ZNF239: variants seen among roughly 807,000 people sequenced by gnomAD.
ZNF239 encodes the protein zinc finger protein (C2H2) homologous to mouse MOK-2.
In ZNF239, 16 loss-of-function variants were observed where a neutral mutation model predicts 27.5. That is an observed-to-expected ratio of 0.58 (90% CI 0.39 to 0.88). ZNF239 has a LOEUF of 0.88. ZNF239 is among the 40% of genes least tolerant of loss of function. ZNF239 has a pLI of 0.00. For missense variants in ZNF239, 527 were observed against 551.9 expected (o/e 0.95, Z 0.45); for synonymous variants, 199 against 192.6 (o/e 1.03, Z -0.27).
rs1836834690 is a variant in ZNF239, at chr10:43,557,312, G to A, written c.768C>T (p.Val256=). The A allele has an allele frequency of 1.2e-6, 2 of 1,614,124 alleles. No individual in the cohort carries two copies. The highest frequency in any genetic ancestry group is 1.7e-6 in the Non-Finnish European group (2 of 1,180,010). Residue 256 remains valine (V), a synonymous_variant, in exon 4 of 4, where the codon GTC becomes GTT. Transcript: ENST00000374446. The stretch of plus-strand genomic sequence containing the variant: ...ACTTATAAGGCTTCTCATCTGTGTG[G>A]ACTGCCTGATGGATAAGCAGACTCG... ...RSSSLLIHQA[V]HTDEKPYKCD... is the part of the protein sequence containing the mutation.
chr10:43,572,614 AC>A (rs1188218146), intron 2 of ZNF239, among the ~76,000 whole-genome samples: 22 of 152,216 alleles, frequency 1.4e-4, no homozygotes, highest in African/African-American at 5.3e-4. Flanking sequence ...AGGACAAGGC[AC>A]TTTCCTTCGG....
chr10:43,558,310 T>C, intron 3 of ZNF239, 139 bp from the exon 4 acceptor site: 1 of 749,690 alleles, frequency 1.3e-6, no homozygotes, highest in South Asian at 2.6e-5. Flanking sequence ...TGGGTTAAGG[T>C]CAGGTACATT....
At chr10:43,558,379 C>T (rs142448811) in intron 3 of ZNF239, among the ~76,000 whole-genome samples, 4 of 152,312 alleles carry the variant, frequency 2.6e-5, no homozygotes, top group Admixed American at 1.3e-4. Flanking sequence ...CAAGGAAAGT[C>T]TTCCCTAACT....
In ZNF239 at chr10:43,557,302, C is replaced by T. The variant is rs764190709; in HGVS notation, c.778G>A (p.Glu260Lys). 2 of 1,614,070 alleles carry T rather than the reference C, an allele frequency of 1.2e-6. No individual in the cohort carries two copies. Among genetic ancestry groups the T allele is most frequent in the African/African-American group, 1.3e-5 (1 of 74,934 alleles). The change falls in exon 4 of 4, where the codon GAG becomes AAG. Residue 260 changes from glutamate (E) to lysine (K), a missense_variant. Physicochemically the swap from Glu to Lys is moderately conservative, Grantham distance 56 (BLOSUM62 1). Coordinates refer to ENST00000374446, the MANE Select transcript of ZNF239 (RefSeq NM_001099282.2). Reference sequence around the variant, plus strand: ...CACTTGTCACACTTATAAGGCTTCTCATCTGTGTGGACTGCCTGATGGATA... The same window carrying T: ...CACTTGTCACACTTATAAGGCTTCTTATCTGTGTGGACTGCCTGATGGATA... The part of the protein sequence containing the change: ...LLIHQAVHTD[E>K]KPYKCDKCGK...
Position 43,557,927 on chromosome 10 carries a change from T to C in ZNF239, c.153A>G (p.Gln51=), listed in dbSNP as rs1564454679. 2.5e-6 allele frequency: 4 copies of C among 1,614,208 alleles called. No homozygotes were observed. The highest frequency in any genetic ancestry group is 2.2e-5 in the East Asian group (1 of 44,894). The change falls in exon 4 of 4, where the codon CAA becomes CAG. Residue 51 remains glutamine, a synonymous_variant. Transcript: ENST00000374446. ...TTTCAATGTTTTCGAAACAACCACT[T>C]TGAAGAGTCATCACACTGTCCCTGT... ...SRNRDSVMTL[Q]SGCFENIESE... is the part of the protein sequence containing the mutation.
chr10:43,573,552 G>A, intron 2 of ZNF239, 85 bp downstream of exon 2: 1 of 862,334 alleles, frequency 1.2e-6, no homozygotes, highest in Non-Finnish European at 1.4e-6. Context: ...TACCGTACTG[G>A]GGGCCTGACA....
chr10:43,570,535 CA>C, intron 2 of ZNF239: 1 of 984,806 alleles, frequency 1.0e-6, no homozygotes, highest in Non-Finnish European at 1.2e-6. Flanking sequence ...TTCAGAGATG[CA>C]AGCCCACCAA....
rs1052834127 is a variant in ZNF239 at position 43,574,558 on chromosome 10, C to G, written c.-275G>C. 7.2e-5 allele frequency: 11 copies of G among 152,310 alleles called. No homozygotes were observed. Among genetic ancestry groups the G allele is most frequent in the Admixed American group, 5.9e-4 (9 of 15,290 alleles). The allele number at this position is 152,310 out of a possible 1,614,324, so 9.4% of individuals were successfully genotyped here. A position where few individuals can be genotyped will look rare whatever the true frequency, so the allele number is the denominator to read the frequency against. ...GTCTCACCTCCCACGTGGAACCCCA[C>G]GCCTGCAGGGGCCAGATTCCGGATG... On this transcript the variant is annotated 5_prime_UTR_variant, in exon 1 of 4. Transcript: ENST00000374446.
chr10:43,574,408 T>A (rs570550290), intron 1 of ZNF239, 132 bp downstream of exon 1: 1 of 152,328 alleles, frequency 6.6e-6, no homozygotes, highest in South Asian at 2.1e-4. Flanking sequence ...GCGCCTCCGC[T>A]GGTCGCGTGC....
chr10:43,564,330 G>A, intron 3 of ZNF239: 1 of 966,308 alleles, frequency 1.0e-6, no homozygotes, highest in Non-Finnish European at 1.2e-6. Context: ...ATGTTTAAAG[G>A]AGACTAGTGT....
intron 2 of ZNF239, chr10:43,568,492 T>C: frequency 1.0e-6 from 1 of 978,570 alleles, no homozygotes; most frequent in East Asian, 1.1e-4. Context: ...TCTTAAAATA[T>C]GAATCTCTCT....
At chr10:43,567,390 G>C (rs1736391336) in intron 3 of ZNF239, among the ~76,000 whole-genome samples, 2 of 152,048 alleles carry the variant, frequency 1.3e-5, no homozygotes, top group Non-Finnish European at 2.9e-5. Context: ...AGAAGCAAGT[G>C]ACCATTACTG....
chr10:43,564,474 A>C (rs751697689), intron 3 of ZNF239, among the ~76,000 whole-genome samples: 17 of 152,226 alleles, frequency 1.1e-4, no homozygotes, highest in Non-Finnish European at 2.5e-4. Context: ...ACTTAAAAGA[A>C]GTTAAAGTTA....
chr10:43,556,811 T>C lies in ZNF239; in HGVS notation c.1269A>G (p.Arg423=). The change falls in exon 4 of 4, where the codon AGA becomes AGG. Residue 423 remains arginine, a synonymous_variant. Coordinates refer to ENST00000374446, the MANE Select transcript of ZNF239 (RefSeq NM_001099282.2). ...SQSSKLLIHQ[R]VHTGEKPYEC... ...CATAGGGCTTCTCTCCAGTATGTAC[T>C]CTCTGGTGGATGAGGAGTTTGGAAC... 2.5e-6 allele frequency: 4 copies of C among 1,613,708 alleles called. No homozygotes were observed. Among genetic ancestry groups the C allele is most frequent in the East Asian group, 2.2e-5 (1 of 44,838 alleles).
chr10:43,570,215 G>C, intron 2 of ZNF239: 1 of 985,352 alleles, frequency 1.0e-6, no homozygotes, highest in East Asian at 1.1e-4. Context: ...TAAAGATGAA[G>C]GTAAGGATGG....
In ZNF239 at chr10:43,556,518, C is replaced by A; in HGVS notation, c.*185G>T. The A allele has an allele frequency of 2.8e-6, 2 of 713,190 alleles. No homozygotes were observed. The highest frequency in any genetic ancestry group is 4.2e-5 in the South Asian group (2 of 47,116). 44.2% of individuals were successfully genotyped at this position (713,190 alleles called of 1,614,324 possible). On this transcript the variant is annotated 3_prime_UTR_variant, in exon 4 of 4. Coordinates refer to ENST00000374446, the MANE Select transcript of ZNF239 (RefSeq NM_001099282.2). ...ATCTGAGAAACAAGAACAATCCATTCATTGTACAGCATAACAAAGTGCTTG... is the reference window on the plus strand; with the variant it reads ...ATCTGAGAAACAAGAACAATCCATTAATTGTACAGCATAACAAAGTGCTTG...
At chr10:43,558,397 T>C (rs1417705375) in intron 3 of ZNF239, among the ~76,000 whole-genome samples, 1 of 152,198 alleles carries the variant, frequency 6.6e-6, no homozygotes, top group African/African-American at 2.4e-5. Context: ...ACTAATCCTA[T>C]AGAAGGCTGT....
chr10:43,571,653 G>C (rs1838045629), intron 2 of ZNF239, among the ~76,000 whole-genome samples: 1 of 152,070 alleles, frequency 6.6e-6, no homozygotes, highest in Non-Finnish European at 1.5e-5. Flanking sequence ...CCACCTCCCG[G>C]GTTCAAGAGA....
rs537749224 is a variant in ZNF239 at position 43,557,961 on chromosome 10, A to G, written c.119T>C (p.Ile40Thr). 27 of 1,614,198 alleles carry G rather than the reference A, an allele frequency of 1.7e-5. No homozygotes were observed. In the Admixed American group the frequency reaches 3.8e-4, roughly 23 times the overall value. Residue 40 changes from isoleucine (I) to threonine (T), a missense_variant, in exon 4 of 4, where the codon ATT becomes ACT. Coordinates refer to ENST00000374446, the MANE Select transcript of ZNF239 (RefSeq NM_001099282.2). ...CQQWGEASSP[I>T]SRNRDSVMTL... is the part of the protein sequence containing the mutation. The stretch of plus-strand genomic sequence containing the variant: ...CATCACACTGTCCCTGTTTCTGGAA[A>G]TAGGAGAAGATGCTTCTCCCCACTG...
Sources: allele counts gnomAD v4.1 joint callset (sites outside exome capture counted in the v4.1 genomes callset), GRCh38; gene constraint gnomAD v4.1.1; transcripts MANE v1.5; gene names NCBI Gene and HGNC (gene_info 2026-07-23, HGNC 2026-07-21).